Variants in GPHN observed in about 807,000 individuals in gnomAD.
The protein encoded by GPHN is gephyrin.
Under a neutral mutation model 95.5 loss-of-function variants are expected in GPHN, and 17 were observed. That is an observed-to-expected ratio of 0.18 (90% confidence interval 0.12 to 0.27). The LOEUF is 0.27. Ranked by LOEUF, GPHN falls within the 10% of genes least tolerant of loss-of-function variation. GPHN has a pLI of 1.00. For missense variants in GPHN, 660 were observed against 978.1 expected (o/e 0.67, Z 4.34); for synonymous variants, 320 against 322.5 (o/e 0.99, Z 0.08).
intron 8 of GPHN, among the ~76,000 whole-genome samples, chr14:66,931,274 TC>T (rs2066778893): frequency 6.6e-6 from 1 of 152,214 alleles, no homozygotes; most frequent in African/African-American, 2.4e-5. Context: ...GCTTTTAGGA[TC>T]CTTTCTTTAT....
intron 1 of GPHN, among the ~76,000 whole-genome samples, chr14:66,530,110 C>G (rs1248136563): frequency 6.6e-6 from 1 of 152,186 alleles, no homozygotes; most frequent in Non-Finnish European, 1.5e-5. Flanking sequence ...AAGCCCCTGA[C>G]TGGGGCTCCC....
At chr14:66,547,175 C>A (rs2059635620) in intron 1 of GPHN, among the ~76,000 whole-genome samples, 1 of 152,042 alleles carries the variant, frequency 6.6e-6, no homozygotes, top group Non-Finnish European at 1.5e-5. Flanking sequence ...GAAAAGAAAT[C>A]TTAGCTTTTT....
chr14:67,499,075 T>C, the GPHN span, among the ~76,000 whole-genome samples: 3 of 152,096 alleles, frequency 2.0e-5, no homozygotes, highest in Non-Finnish European at 4.4e-5. Flanking sequence ...TGATCATAGG[T>C]CACCATAAAC....
intron 5 of GPHN, among the ~76,000 whole-genome samples, chr14:66,899,684 A>T (rs2065034889): frequency 6.6e-6 from 1 of 151,720 alleles, no homozygotes; most frequent in Admixed American, 6.6e-5. Flanking sequence ...TTTAGTAAGG[A>T]TTTTTATATC....
rs1025169341 is a variant in GPHN at position 67,095,936 on chromosome 14, A to G, written c.1238-4920A>G. Among the ~76,000 whole-genome samples, 5 of 128,152 alleles carry G rather than the reference A, an allele frequency of 3.9e-5. No individual in the cohort carries two copies. In the South Asian group the frequency reaches 1.1e-3, roughly 29 times the overall value. 84.1% of individuals were successfully genotyped at this position (128,152 alleles called of 152,430 possible). A position where few individuals can be genotyped will look rare whatever the true frequency, so the allele number is the denominator to read the frequency against. ...CTAAAACTTAAAGTATAATAATAAT[A>G]AAAAAACAAAAAAAAAGAAAAGAAA... On this transcript the variant is annotated intron_variant, in intron 12 of 22. Coordinates refer to ENST00000478722, the MANE Select transcript of GPHN (RefSeq NM_020806.5).
intron 8 of GPHN, among the ~76,000 whole-genome samples, chr14:66,959,575 T>C (rs1199224288): frequency 4.6e-5 from 7 of 152,132 alleles, no homozygotes; most frequent in Admixed American, 2.6e-4. Flanking sequence ...TCTTTCAACA[T>C]TTTGACCATA....
chr14:66,748,579 C>G (rs2058250340), intron 2 of GPHN, among the ~76,000 whole-genome samples: 1 of 151,836 alleles, frequency 6.6e-6, no homozygotes, highest in East Asian at 1.9e-4. Flanking sequence ...GTTGTATATT[C>G]CATGGGTGTG....
chr14:66,596,378 G>T (rs1034600585), intron 1 of GPHN, among the ~76,000 whole-genome samples: 1 of 152,064 alleles, frequency 6.6e-6, no homozygotes, highest in Non-Finnish European at 1.5e-5. Flanking sequence ...TTTCCATCTA[G>T]GCCTGTCTGC....
At chr14:66,589,778 A>AG (rs1478666462) in intron 1 of GPHN, among the ~76,000 whole-genome samples, 1 of 152,206 alleles carries the variant, frequency 6.6e-6, no homozygotes, top group African/African-American at 2.4e-5. Flanking sequence ...TCAATGAGAC[A>AG]GAAAATTAAT....
chr14:66,572,562 A>G (rs2060738695), intron 1 of GPHN, among the ~76,000 whole-genome samples: 2 of 150,872 alleles, frequency 1.3e-5, no homozygotes, highest in South Asian at 4.2e-4. Context: ...TTTTTTTCAG[A>G]TATTTTGTTG....
At chr14:66,996,770 C>G (rs911445100) in intron 9 of GPHN, among the ~76,000 whole-genome samples, 3 of 151,830 alleles carry the variant, frequency 2.0e-5, no homozygotes, top group African/African-American at 7.3e-5. Flanking sequence ...TAATTTTTTG[C>G]TACTTATATT....
chr14:67,002,777 C>T (rs2153611735), intron 9 of GPHN, among the ~76,000 whole-genome samples: 1 of 151,536 alleles, frequency 6.6e-6, no homozygotes, highest in African/African-American at 2.4e-5. Flanking sequence ...TAAATATTAA[C>T]TATATTATTA....
chr14:67,318,779 C>T, the GPHN span, among the ~76,000 whole-genome samples: 5 of 152,124 alleles, frequency 3.3e-5, no homozygotes, highest in East Asian at 5.8e-4. Flanking sequence ...GATATTAGGC[C>T]GGGCGCGGTG....
At chr14:67,153,910 T>C (rs1567416268) in intron 18 of GPHN, among the ~76,000 whole-genome samples, 1 of 152,210 alleles carries the variant, frequency 6.6e-6, no homozygotes, top group Non-Finnish European at 1.5e-5. Context: ...TTTATCACTA[T>C]GTCTGGTACA....
At chr14:67,282,422 A>G in the GPHN span, among the ~76,000 whole-genome samples, 1 of 152,180 alleles carries the variant, frequency 6.6e-6, no homozygotes, top group Non-Finnish European at 1.5e-5. Flanking sequence ...TCTAAACAAT[A>G]CATCATCATT....
intron 18 of GPHN, among the ~76,000 whole-genome samples, chr14:67,153,617 C>G (rs2081412310): frequency 6.6e-6 from 1 of 152,168 alleles, no homozygotes; most frequent in South Asian, 2.1e-4. Flanking sequence ...CATTTACTCT[C>G]AGTTTTATTC....
the GPHN span, among the ~76,000 whole-genome samples, chr14:67,216,482 G>A: frequency 3.3e-5 from 5 of 151,898 alleles, no homozygotes; most frequent in African/African-American, 1.2e-4. Context: ...TCCTCAAGGT[G>A]CATCATTAGG....
At chr14:66,911,322 G>A (rs2065664388) in intron 5 of GPHN, among the ~76,000 whole-genome samples, 1 of 151,874 alleles carries the variant, frequency 6.6e-6, no homozygotes, top group Admixed American at 6.6e-5. Context: ...GGAGGGTGAT[G>A]AAAATGTTCT....
chr14:67,169,096 T>G (rs2140058027), intron 21 of GPHN, 60 bp downstream of exon 21: 1 of 974,804 alleles, frequency 1.0e-6, no homozygotes, highest in Non-Finnish European at 1.7e-6. Flanking sequence ...AGGGATATGA[T>G]TTCCTAACTG....
Sources: gnomAD v4.1 joint callset for allele counts (sites outside exome capture counted in the v4.1 genomes callset) on GRCh38, gnomAD v4.1.1 for gene constraint, MANE v1.5 for transcripts, NCBI Gene and HGNC (gene_info 2026-07-23, HGNC 2026-07-21) for gene names.